Variants in CNTN3 observed in about 807,000 individuals in gnomAD.
The protein encoded by CNTN3 is contactin-3.
Under a neutral mutation model 119.1 loss-of-function variants are expected in CNTN3, and 60 were observed. The ratio of observed to expected loss-of-function variants is 0.50; its 90% CI spans 0.41 to 0.62. CNTN3 has a LOEUF of 0.62. CNTN3 is among the 20% of genes least tolerant of loss of function. CNTN3 has a pLI of 0.00. For missense variants in CNTN3, 1,101 were observed against 1,242.4 expected, an observed-to-expected ratio of 0.89 and a Z score of 1.71; for synonymous variants, 450 against 438.7, an observed-to-expected ratio of 1.03 and a Z score of -0.32.
chr3:74,312,877 G>C (rs1270669831), intron 13 of CNTN3, among the ~76,000 whole-genome samples: 4 of 151,914 alleles, frequency 2.6e-5, no homozygotes, highest in African/African-American at 4.8e-5. Context: ...GGAATTATGA[G>C]ACCAGGAATT....
intron 13 of CNTN3, among the ~76,000 whole-genome samples, chr3:74,327,988 G>T (rs978834188): frequency 4.0e-5 from 6 of 151,004 alleles, no homozygotes; most frequent in African/African-American, 1.5e-4. Context: ...ATTATCAATT[G>T]CTTTTTGATA....
intron 11 of CNTN3, among the ~76,000 whole-genome samples, chr3:74,360,021 T>C (rs1201279069): frequency 6.6e-6 from 1 of 152,208 alleles, no homozygotes; most frequent in African/African-American, 2.4e-5. Flanking sequence ...AGCATTTGGT[T>C]GGATTATGGT....
At chr3:74,538,544 C>A (rs79914253) in intron 1 of CNTN3, among the ~76,000 whole-genome samples, 15 of 152,086 alleles carry the variant, frequency 9.9e-5, no homozygotes, top group Non-Finnish European at 1.8e-4. Context: ...TCCAACGTAT[C>A]CTACTAAAAG....
At chr3:74,562,177 CAA>C (rs1704163308) in intron 1 of CNTN3, among the ~76,000 whole-genome samples, 1 of 151,994 alleles carries the variant, frequency 6.6e-6, no homozygotes, top group Admixed American at 6.6e-5. Context: ...ATTGACAAAA[CAA>C]AGTGAAAAAA....
At chr3:74,573,809 C>T (rs1244218537) in intron 1 of CNTN3, among the ~76,000 whole-genome samples, 1 of 150,536 alleles carries the variant, frequency 6.6e-6, no homozygotes, top group African/African-American at 2.4e-5. Flanking sequence ...GGTAAGAAGG[C>T]GGAGAAATTG....
chr3:74,371,309 TAGAGGTGCCCTGTCTCCTGGG>T lies in CNTN3; in HGVS notation c.524_544del (p.Ser175_Leu181del). On this transcript the variant is annotated inframe_deletion, in exon 6 of 23. Coordinates refer to ENST00000263665, the MANE Select transcript of CNTN3 (RefSeq NM_020872.3). Reference sequence around the variant, plus strand: ...ATCAGACGGCTCCACCTTAGATATGTAGAGGTGCCCTGTCTCCTGGGAGACAAATCTCCGACTATCTTCTTC... The same window carrying T: ...ATCAGACGGCTCCACCTTAGATATGTAGACAAATCTCCGACTATCTTCTTC... The T allele has an allele frequency of 6.2e-7, 1 of 1,613,226 alleles. No individual in the cohort carries two copies. The highest frequency in any genetic ancestry group is 8.5e-7 in the Non-Finnish European group (1 of 1,179,400).
At chr3:74,564,581 G>T (rs781384723) in intron 1 of CNTN3, among the ~76,000 whole-genome samples, 35 of 150,240 alleles carry the variant, frequency 2.3e-4, no homozygotes, top group Non-Finnish European at 4.7e-4. Flanking sequence ...GGATCTAGTA[G>T]GCACAAGGTC....
At chr3:74,443,992 G>A (rs1355651926) in intron 4 of CNTN3, among the ~76,000 whole-genome samples, 1 of 152,190 alleles carries the variant, frequency 6.6e-6, no homozygotes, top group African/African-American at 2.4e-5. Context: ...GAAACCAGAA[G>A]AGGGATTCTT....
intron 5 of CNTN3, among the ~76,000 whole-genome samples, chr3:74,405,686 G>T (rs981878012): frequency 6.6e-6 from 1 of 151,952 alleles, no homozygotes; most frequent in Non-Finnish European, 1.5e-5. Context: ...AAATTGTAAT[G>T]TTTTCCAGTA....
chr3:74,598,780 T>C (rs1289061492), intron 1 of CNTN3, among the ~76,000 whole-genome samples: 3 of 152,052 alleles, frequency 2.0e-5, no homozygotes, highest in African/African-American at 7.2e-5. Context: ...TATGATTAGT[T>C]AGTCATCAAA....
At chr3:74,471,384 C>T (rs998741744) in intron 4 of CNTN3, among the ~76,000 whole-genome samples, 3 of 152,092 alleles carry the variant, frequency 2.0e-5, no homozygotes, top group Non-Finnish European at 2.9e-5. Context: ...ACATGCCATC[C>T]ATTACTGCAT....
intron 1 of CNTN3, among the ~76,000 whole-genome samples, chr3:74,542,729 T>C (rs1703859388): frequency 6.6e-6 from 1 of 152,200 alleles, no homozygotes; most frequent in Admixed American, 6.5e-5. Flanking sequence ...GTTTAAACAG[T>C]GTTCAAAAGA....
At chr3:74,470,547 A>C (rs1702540957) in intron 4 of CNTN3, among the ~76,000 whole-genome samples, 1 of 152,050 alleles carries the variant, frequency 6.6e-6, no homozygotes, top group Admixed American at 6.5e-5. Context: ...CGGCTCCCTA[A>C]GTGAAGAAAA....
intron 1 of CNTN3, among the ~76,000 whole-genome samples, chr3:74,591,995 C>T (rs1008974660): frequency 6.6e-6 from 1 of 151,812 alleles, no homozygotes; most frequent in African/African-American, 2.4e-5. Context: ...AAAAATCTAC[C>T]AGCAAGCAAG....
chr3:74,438,669 T>C (rs1212820111), intron 4 of CNTN3, among the ~76,000 whole-genome samples: 1 of 152,188 alleles, frequency 6.6e-6, no homozygotes, highest in Non-Finnish European at 1.5e-5. Flanking sequence ...GAGTAGTTAT[T>C]TAATAATAGT....
At chr3:74,333,856 C>A (rs1703328352) in intron 13 of CNTN3, among the ~76,000 whole-genome samples, 2 of 152,152 alleles carry the variant, frequency 1.3e-5, no homozygotes. Context: ...TGGCTTTCTA[C>A]TTTACTGAGG....
chr3:74,516,079 T>C (rs1392837427), intron 2 of CNTN3, among the ~76,000 whole-genome samples: 7 of 151,936 alleles, frequency 4.6e-5, no homozygotes, highest in African/African-American at 1.7e-4. Flanking sequence ...TTAGTGCAGC[T>C]GAAAACCCCC....
chr3:74,535,016 T>A (rs1703745368), intron 1 of CNTN3, among the ~76,000 whole-genome samples: 2 of 152,106 alleles, frequency 1.3e-5, no homozygotes, highest in East Asian at 2.0e-4. Context: ...TTCAAAAAAA[T>A]TAAATATAAT....
chr3:74,587,608 C>T (rs947177838), intron 1 of CNTN3, among the ~76,000 whole-genome samples: 3 of 152,034 alleles, frequency 2.0e-5, no homozygotes, highest in African/African-American at 7.2e-5. Context: ...TGTACTGATA[C>T]ATGAGCAAAG....
Sources: allele counts gnomAD v4.1 joint callset (sites outside exome capture counted in the v4.1 genomes callset), GRCh38; gene constraint gnomAD v4.1.1; transcripts MANE v1.5; gene names NCBI Gene and HGNC (gene_info 2026-07-23, HGNC 2026-07-21).